DAAM2: variants seen among roughly 807,000 people sequenced by gnomAD.
The protein encoded by DAAM2 is dishevelled associated activator of morphogenesis 2, also known as disheveled-associated activator of morphogenesis 2.
Under a neutral mutation model 120.7 loss-of-function variants are expected in DAAM2, and 39 were observed. That is an observed-to-expected ratio of 0.32 (90% CI 0.25 to 0.42). The LOEUF (loss-of-function observed/expected upper bound fraction) is 0.42. DAAM2 is among the 10% of genes least tolerant of loss of function. The pLI is 1.00. For missense variants in DAAM2, 1,283 were observed against 1,401.7 expected, an observed-to-expected ratio of 0.92 and a Z score of 1.35; for synonymous variants, 488 against 524.9, an observed-to-expected ratio of 0.93 and a Z score of 0.96.
chr6:39,854,121 G>C (rs1763913294), intron 1 of DAAM2, among the ~76,000 whole-genome samples: 1 of 152,192 alleles, frequency 6.6e-6, no homozygotes. Context: ...GTGCTAGCCT[G>C]CTGGCTGCTT....
chr6:39,870,989 T>A (rs959056836), intron 8 of DAAM2, among the ~76,000 whole-genome samples: 2 of 152,104 alleles, frequency 1.3e-5, no homozygotes, highest in African/African-American at 4.8e-5. Context: ...GTGGAACAAG[T>A]GGATGTGTGC....
At chr6:39,875,569 T>C in intron 11 of DAAM2, 101 bp downstream of exon 11, 2 of 1,413,056 alleles carry the variant, frequency 1.4e-6, no homozygotes, top group Non-Finnish European at 1.9e-6. Context: ...CGCAACCCAG[T>C]CATCCCGAAA....
chr6:39,832,606 G>A (rs576391109), intron 1 of DAAM2, among the ~76,000 whole-genome samples: 18 of 152,306 alleles, frequency 1.2e-4, no homozygotes, highest in African/African-American at 2.9e-4. Context: ...TGATTTAAAT[G>A]AGTTGCTTTG....
intron 9 of DAAM2, 48 bp from the exon 10 acceptor site, chr6:39,873,190 C>T (rs1582712533): frequency 7.9e-7 from 1 of 1,263,156 alleles, no homozygotes; most frequent in South Asian, 1.3e-5. Flanking sequence ...CTCCTGCTGA[C>T]TTCCTCTGCT....
At chr6:39,864,646 A>T in intron 4 of DAAM2, 139 bp downstream of exon 4, 1 of 693,024 alleles carries the variant, frequency 1.4e-6, no homozygotes, top group Non-Finnish European at 2.4e-6. Flanking sequence ...ACTGGAGTTC[A>T]GCAGCTTTCC....
At chr6:39,824,723 C>A (rs1364151685) in intron 1 of DAAM2, among the ~76,000 whole-genome samples, 2 of 152,060 alleles carry the variant, frequency 1.3e-5, no homozygotes, top group Non-Finnish European at 2.9e-5. Context: ...TGGAGAGGAC[C>A]CACTGGTGCC....
chr6:39,809,344 GACCA>G (rs1762098824), intron 1 of DAAM2, among the ~76,000 whole-genome samples: 1 of 152,144 alleles, frequency 6.6e-6, no homozygotes, highest in African/African-American at 2.4e-5. Flanking sequence ...GCTCTTCCGT[GACCA>G]ACCTCACAGG....
intron 17 of DAAM2, among the ~76,000 whole-genome samples, chr6:39,889,502 C>T (rs1212054878): frequency 6.6e-6 from 1 of 152,190 alleles, no homozygotes; most frequent in Non-Finnish European, 1.5e-5. Flanking sequence ...GTACACTCTA[C>T]AGCTAAACAT....
rs770562217 is a variant in DAAM2 at position 39,870,391 on chromosome 6, A to G, written c.925A>G (p.Ile309Val). 9.4e-5 allele frequency: 150 copies of G among 1,588,158 alleles called. 1 individual carries two copies. In the South Asian group the frequency reaches 1.6e-3, roughly 17 times the overall value. ...ACGGTATGAATTCCTGATGCTGGGT[A>G]TACAGCCTGTGATTGACAAGCTCCG... ...HLRYEFLMLG[I>V]QPVIDKLRQH... is the part of the protein sequence containing the mutation. Residue 309 changes from isoleucine (I) to valine (V), a missense_variant, in exon 8 of 25, where the codon ATA becomes GTA. By Grantham distance (29) the Ile-to-Val change is conservative. Coordinates refer to ENST00000274867, the MANE Select transcript of DAAM2 (RefSeq NM_001201427.2).
Position 39,835,225 on chromosome 6 carries a change from T to G in DAAM2, c.-56-21022T>G, listed in dbSNP as rs558206787. On this transcript the variant is annotated intron_variant, in intron 1 of 24. Coordinates refer to ENST00000274867, the MANE Select transcript of DAAM2 (RefSeq NM_001201427.2). ...TGGACATAGGGGTCCAGGTAGTGAC[T>G]GAAGATGGCATGCATTGAGACTCAG... Among the ~76,000 whole-genome samples, 204 of 152,362 alleles carry G rather than the reference T, an allele frequency of 1.3e-3. 1 individual carries two copies. The highest frequency in any genetic ancestry group is 2.4e-3 in the Non-Finnish European group (162 of 68,044).
intron 1 of DAAM2, among the ~76,000 whole-genome samples, chr6:39,827,540 C>A (rs1051804085): frequency 6.6e-6 from 1 of 152,138 alleles, no homozygotes; most frequent in African/African-American, 2.4e-5. Context: ...GGCCCTCACT[C>A]ACGCCTTGGC....
chr6:39,853,619 C>T, intron 1 of DAAM2, among the ~76,000 whole-genome samples: 1 of 152,190 alleles, frequency 6.6e-6, no homozygotes, highest in East Asian at 1.9e-4. Flanking sequence ...TATATGCCAC[C>T]CCTGCTGCCA....
intron 1 of DAAM2, among the ~76,000 whole-genome samples, chr6:39,810,523 T>G (rs1762130989): frequency 6.6e-6 from 1 of 152,206 alleles, no homozygotes; most frequent in South Asian, 2.1e-4. Flanking sequence ...GGGCTGCCCT[T>G]GGGTTGTCCA....
chr6:39,876,472 T>A (rs925192086), intron 11 of DAAM2, among the ~76,000 whole-genome samples: 1 of 152,204 alleles, frequency 6.6e-6, no homozygotes, highest in African/African-American at 2.4e-5. Context: ...TCCTACCAAT[T>A]CATTACACTA....
intron 1 of DAAM2, among the ~76,000 whole-genome samples, chr6:39,854,404 C>T (rs767879182): frequency 3.9e-5 from 6 of 152,092 alleles, no homozygotes; most frequent in Non-Finnish European, 8.8e-5. Flanking sequence ...GGAGCCCTCA[C>T]GATATTTATG....
chr6:39,900,236 G>C (rs1475859490), intron 23 of DAAM2, 28 bp downstream of exon 23: 3 of 1,603,562 alleles, frequency 1.9e-6, no homozygotes, highest in South Asian at 2.2e-5. Flanking sequence ...CCCACTGCTT[G>C]CCAACCCAGC....
intron 19 of DAAM2, among the ~76,000 whole-genome samples, chr6:39,895,958 A>C (rs1766056606): frequency 6.6e-6 from 1 of 152,224 alleles, no homozygotes; most frequent in African/African-American, 2.4e-5. Context: ...AATCTTAGAC[A>C]CTATCAACTG....
chr6:39,799,454 T>G (rs2113996256), intron 1 of DAAM2, among the ~76,000 whole-genome samples: 1 of 152,370 alleles, frequency 6.6e-6, no homozygotes, highest in South Asian at 2.1e-4. Context: ...GCATAATTTT[T>G]ATAGACTTTA....
In DAAM2 at chr6:39,903,664, A is replaced by G. The variant is rs187326530; in HGVS notation, c.*1627A>G. The G allele has an allele frequency of 6.3e-6, 1 of 159,304 alleles. No homozygotes were observed. The highest frequency in any genetic ancestry group is 1.4e-5 in the Non-Finnish European group (1 of 72,192). 9.9% of individuals were successfully genotyped at this position (159,304 alleles called of 1,614,324 possible). The stretch of plus-strand genomic sequence containing the variant: ...TGGCTCAGGGTTATTGCCAGTGGAG[A>G]CTGGTGAGCTGGGCCTACTCTCAGC... On this transcript the variant is annotated 3_prime_UTR_variant, in exon 25 of 25. Transcript: ENST00000274867.
Sources: gnomAD v4.1 joint callset for allele counts (sites outside exome capture counted in the v4.1 genomes callset) on GRCh38, gnomAD v4.1.1 for gene constraint, MANE v1.5 for transcripts, NCBI Gene and HGNC (gene_info 2026-07-23, HGNC 2026-07-21) for gene names.